Variants in LITAF observed in about 807,000 individuals in gnomAD.
LITAF encodes the protein lipopolysaccharide-induced tumor necrosis factor-alpha factor.
Under a neutral mutation model 14.5 loss-of-function variants are expected in LITAF, and 9 were observed. That is an observed-to-expected ratio of 0.62 (90% CI 0.37 to 1.08). The LOEUF is 1.08. Among genes scored for constraint, LITAF ranks in the 50% least tolerant of loss-of-function variants. LITAF has a pLI of 0.01. For synonymous variants in LITAF, 98 were observed against 88.2 expected, an observed-to-expected ratio of 1.11 and a Z score of -0.62; for missense variants, 206 against 213.4, an observed-to-expected ratio of 0.97 and a Z score of 0.22.
chr16:11,556,159 TG>T, intron 2 of LITAF: 1 of 430,918 alleles, frequency 2.3e-6, no homozygotes, highest in Non-Finnish European at 4.1e-6. Flanking sequence ...ACCTCGGCCC[TG>T]GCCTCAGGGC....
chr16:11,553,682 C>T lies in LITAF; in HGVS notation c.228G>A (p.Val76=). The change falls in exon 3 of 4, where the codon GTG becomes GTA. Residue 76 remains valine (V), a synonymous_variant. Transcript: ENST00000622633. This position sits in a 1 kb window ranked among gnomAD's most constrained non-coding sequence, Gnocchi z 7.7. ...APIPNNNPIT[V]QTVYVQHPIT... is the part of the protein sequence containing the mutation. ...TGGGGTGCTGCACGTAGACCGTCTG[C>T]ACGGTAACTGATGAAAGGGAGAGGG... is the stretch of plus-strand genomic sequence containing the variant. The T allele has an allele frequency of 6.2e-7, 1 of 1,614,098 alleles. No homozygotes were observed. Among genetic ancestry groups the T allele is most frequent in the Non-Finnish European group, 8.5e-7 (1 of 1,180,006 alleles).
chr16:11,566,637 T>C (rs1468602462), intron 1 of LITAF, among the ~76,000 whole-genome samples: 3 of 152,050 alleles, frequency 2.0e-5, no homozygotes, highest in Non-Finnish European at 4.4e-5. Context: ...TGATGGCACA[T>C]GTCTATAGTC....
At chr16:11,626,271 C>G (rs1175762153) in intron 3 of LITAF, among the ~76,000 whole-genome samples, 1 of 151,304 alleles carries the variant, frequency 6.6e-6, no homozygotes, top group Non-Finnish European at 1.5e-5. Context: ...CTCTGCCTCC[C>G]AGGTTCAGGC....
Position 11,553,987 on chromosome 16 carries a change from T to C in LITAF, c.221-298A>G, listed in dbSNP as rs992597581. ...AGCTCATGCCTGTAATCCCAACACT[T>C]TGGGAGGCCGAGGTGGGAGGACTGC... On this transcript the variant is annotated intron_variant, in intron 2 of 3. Transcript: ENST00000622633. The surrounding 1 kb of genome is among the most constrained non-coding windows in gnomAD (Gnocchi z 7.7). Among the ~76,000 whole-genome samples, 5 of 151,974 alleles carry C rather than the reference T, an allele frequency of 3.3e-5. No individual in the cohort carries two copies. The highest frequency in any genetic ancestry group is 1.2e-4 in the African/African-American group (5 of 41,358).
chr16:11,636,238 T>C (rs1363306234), intron 1 of LITAF: 3 of 152,136 alleles, frequency 2.0e-5, no homozygotes, highest in African/African-American at 7.2e-5. Flanking sequence ...CTGGGGTAAA[T>C]ACCCGAGATT....
intron 3 of LITAF, among the ~76,000 whole-genome samples, chr16:11,627,769 G>C (rs549801233): frequency 1.3e-5 from 2 of 152,114 alleles, no homozygotes; most frequent in African/African-American, 4.8e-5. Context: ...GCTTGCATCC[G>C]GGAGGCAGAG....
intron 3 of LITAF, among the ~76,000 whole-genome samples, chr16:11,552,418 T>C (rs941033553): frequency 6.6e-6 from 1 of 152,224 alleles, no homozygotes; most frequent in Non-Finnish European, 1.5e-5. Context: ...GAAAAATACT[T>C]CGGGTCATAA....
chr16:11,599,187 C>T (rs970920163), upstream of LITAF, among the ~76,000 whole-genome samples: 24 of 151,918 alleles, frequency 1.6e-4, no homozygotes, highest in African/African-American at 4.1e-4. Flanking sequence ...GGTGCGATCT[C>T]GGCTCACTGC....
At chr16:11,631,948 T>C (rs1304282474) in intron 3 of LITAF, among the ~76,000 whole-genome samples, 1 of 150,536 alleles carries the variant, frequency 6.6e-6, no homozygotes, top group African/African-American at 2.4e-5. Flanking sequence ...CTCCCTGCAA[T>C]CTCTGCCTCC....
chr16:11,557,090 T>C (rs2064285386), intron 1 of LITAF, among the ~76,000 whole-genome samples: 1 of 130,568 alleles, frequency 7.7e-6, no homozygotes, highest in Admixed American at 7.9e-5. Flanking sequence ...TTTTTTGTGG[T>C]TTTTTTGGTT....
chr16:11,568,866 G>C (rs1294917485), intron 1 of LITAF, among the ~76,000 whole-genome samples: 1 of 151,974 alleles, frequency 6.6e-6, no homozygotes, highest in Non-Finnish European at 1.5e-5. Context: ...TTTTAGGAGG[G>C]ACAGGGTTTC....
At chr16:11,566,156 T>C (rs1288404581) in intron 1 of LITAF, among the ~76,000 whole-genome samples, 1 of 152,200 alleles carries the variant, frequency 6.6e-6, no homozygotes, top group African/African-American at 2.4e-5. Context: ...GTATTTGTCA[T>C]AAAGCAGTTT....
At chr16:11,571,869 G>C (rs2064546007) in intron 1 of LITAF, among the ~76,000 whole-genome samples, 1 of 152,114 alleles carries the variant, frequency 6.6e-6, no homozygotes, top group Non-Finnish European at 1.5e-5. Flanking sequence ...AGGTGAGGTG[G>C]GGAGATCACT....
intron 3 of LITAF, chr16:11,629,049 T>C (rs1332449418): frequency 6.6e-6 from 1 of 152,244 alleles, no homozygotes; most frequent in Non-Finnish European, 1.5e-5. Context: ...CCTCAAGTAA[T>C]CCTCCCGCCT....
intron 3 of LITAF, among the ~76,000 whole-genome samples, chr16:11,621,978 C>A (rs1291622474): frequency 1.3e-5 from 2 of 152,162 alleles, no homozygotes; most frequent in Non-Finnish European, 2.9e-5. Flanking sequence ...TCTCGTGAAA[C>A]CTTCTGAGGG....
At chr16:11,580,444 G>C (rs8056062) in intron 1 of LITAF, among the ~76,000 whole-genome samples, 1 of 152,010 alleles carries the variant, frequency 6.6e-6, no homozygotes, top group African/African-American at 2.4e-5. Flanking sequence ...TTTTAGTAGA[G>C]ACGGGGTTTC....
chr16:11,589,619 C>CTTTT (rs60950577), upstream of LITAF, among the ~76,000 whole-genome samples: 7 of 103,914 alleles, frequency 6.7e-5, no homozygotes, highest in East Asian at 2.9e-4. Context: ...AAATCAGTTG[C>CTTTT]TTTTTTTTTT....
chr16:11,633,646 T>A (rs1393548563), intron 2 of LITAF: 1 of 151,940 alleles, frequency 6.6e-6, no homozygotes, highest in African/African-American at 2.4e-5. Context: ...CCCTAGATGG[T>A]CCAAAAAGGG....
intron 3 of LITAF, among the ~76,000 whole-genome samples, chr16:11,627,990 C>T (rs1437060753): frequency 7.8e-6 from 1 of 127,582 alleles, no homozygotes; most frequent in Non-Finnish European, 1.6e-5. Context: ...CCAGCCTGAG[C>T]GACAGAGTGA....
Sources: allele counts gnomAD v4.1 joint callset (sites outside exome capture counted in the v4.1 genomes callset), GRCh38; gene constraint gnomAD v4.1.1; non-coding constraint Gnocchi (gnomAD v3.1); transcripts MANE v1.5; gene names NCBI Gene and HGNC (gene_info 2026-07-23, HGNC 2026-07-21).